Variants in SH3GL3 observed in about 807,000 individuals in gnomAD.
SH3GL3 encodes SH3 domain containing GRB2 like 3, endophilin A3.
Under a neutral mutation model 47.7 loss-of-function variants are expected in SH3GL3, and 33 were observed. The ratio of observed to expected loss-of-function variants is 0.69; its 90% confidence interval spans 0.52 to 0.92. The LOEUF (loss-of-function observed/expected upper bound fraction) is 0.92. Among genes scored for constraint, SH3GL3 ranks in the 40% least tolerant of loss-of-function variants. The pLI, the probability that SH3GL3 is intolerant of heterozygous loss-of-function variation, is 0.00. For synonymous variants in SH3GL3, 155 were observed against 148.8 expected, an observed-to-expected ratio of 1.04 and a Z score of -0.30; for missense variants, 363 against 417.8, an observed-to-expected ratio of 0.87 and a Z score of 1.14.
chr15:83,464,878 G>A (rs1255502032), intron 1 of SH3GL3, among the ~76,000 whole-genome samples: 2 of 151,770 alleles, frequency 1.3e-5, no homozygotes, highest in East Asian at 1.9e-4. Context: ...AATGTATCTC[G>A]GGCCAGTGCA....
At chr15:83,625,380 A>G in the SH3GL3 span, among the ~76,000 whole-genome samples, 55,638 of 151,974 alleles carry the variant, frequency 0.37, 10,815 homozygotes, top group South Asian at 0.48. Context: ...ACCTTTTTAT[A>G]GTGTCTGTCC....
intron 1 of SH3GL3, among the ~76,000 whole-genome samples, chr15:83,515,137 T>C (rs2042928124): frequency 6.6e-6 from 1 of 152,150 alleles, no homozygotes; most frequent in Non-Finnish European, 1.5e-5. Context: ...TAAGTCTGTA[T>C]TGTTTTGCTA....
intron 1 of SH3GL3, among the ~76,000 whole-genome samples, chr15:83,507,182 A>AT (rs1387957439): frequency 4.7e-5 from 7 of 150,520 alleles, no homozygotes; most frequent in Non-Finnish European, 8.9e-5. Flanking sequence ...ATTTTTTTGT[A>AT]TTTTTTTAGT....
intron 4 of SH3GL3, among the ~76,000 whole-genome samples, chr15:83,568,958 G>A (rs990354814): frequency 4.7e-5 from 7 of 147,416 alleles, no homozygotes; most frequent in African/African-American, 1.3e-4. Context: ...GTGCAGTGGC[G>A]CGATCTTGGC....
the SH3GL3 span, among the ~76,000 whole-genome samples, chr15:83,629,410 T>C: frequency 1.3e-5 from 2 of 152,258 alleles, no homozygotes; most frequent in African/African-American, 4.8e-5. Context: ...AAAAGCATGG[T>C]CAATTTATTT....
At chr15:83,527,314 T>C (rs1037904854) in intron 1 of SH3GL3, among the ~76,000 whole-genome samples, 2 of 152,202 alleles carry the variant, frequency 1.3e-5, no homozygotes, top group Admixed American at 6.5e-5. Flanking sequence ...GATAGTGGGA[T>C]AAAGTCTTCC....
the SH3GL3 span, among the ~76,000 whole-genome samples, chr15:83,624,854 C>A: frequency 1.3e-5 from 2 of 152,116 alleles, no homozygotes; most frequent in African/African-American, 2.4e-5. Flanking sequence ...GACCAAGGAA[C>A]CCTGGGAACC....
intron 1 of SH3GL3, among the ~76,000 whole-genome samples, chr15:83,515,886 C>T (rs1405368853): frequency 6.6e-6 from 1 of 152,140 alleles, no homozygotes; most frequent in African/African-American, 2.4e-5. Flanking sequence ...TTTGTTTCTG[C>T]TGGACTTGTT....
At chr15:83,512,334 TAAC>T (rs1162674374) in intron 1 of SH3GL3, among the ~76,000 whole-genome samples, 1 of 152,162 alleles carries the variant, frequency 6.6e-6, no homozygotes, top group Non-Finnish European at 1.5e-5. Context: ...TCATTTGCCT[TAAC>T]AACTCCACGT....
chr15:83,495,014 A>G (rs965107736), intron 1 of SH3GL3, among the ~76,000 whole-genome samples: 1 of 152,110 alleles, frequency 6.6e-6, no homozygotes, highest in African/African-American at 2.4e-5. Flanking sequence ...TGCTGGGCAC[A>G]GGAAGGACAG....
At chr15:83,473,880 G>T (rs143621620) in intron 1 of SH3GL3, among the ~76,000 whole-genome samples, 1,668 of 149,148 alleles carry the variant, frequency 0.011, 15 homozygotes, top group Non-Finnish European at 0.015. Context: ...ATGTCCATGC[G>T]CATTTCCGTG....
chr15:83,572,078 C>T lies in SH3GL3; in HGVS notation c.332-487C>T, dbSNP rs555783825. On this transcript the variant is annotated intron_variant, in intron 4 of 8. Transcript: ENST00000427482. ...CAGAGAGGGCAGGGAGGCTTAGAAC[C>T]TTCTAGAAGGATACGGGGAGTAGCC... Among the ~76,000 whole-genome samples the T allele has an allele frequency of 4.6e-5, 7 of 152,316 alleles. No individual in the cohort carries two copies. In the South Asian group the frequency reaches 1.5e-3, roughly 32 times the overall value.
intron 1 of SH3GL3, among the ~76,000 whole-genome samples, chr15:83,488,957 G>A (rs1232104268): frequency 6.6e-6 from 1 of 152,224 alleles, no homozygotes; most frequent in Non-Finnish European, 1.5e-5. Context: ...AGACCATGTT[G>A]GCTTTTGGAC....
chr15:83,462,296 C>A (rs2040339817), intron 1 of SH3GL3, among the ~76,000 whole-genome samples: 1 of 152,150 alleles, frequency 6.6e-6, no homozygotes, highest in Non-Finnish European at 1.5e-5. Context: ...GATTCTTACC[C>A]CTTGTAATGC....
At chr15:83,599,571 C>T (rs768023532) in intron 8 of SH3GL3, among the ~76,000 whole-genome samples, 2 of 152,160 alleles carry the variant, frequency 1.3e-5, no homozygotes, top group Non-Finnish European at 2.9e-5. Flanking sequence ...CATATATATA[C>T]CACAGTTTTT....
At chr15:83,627,558 A>C in the SH3GL3 span, among the ~76,000 whole-genome samples, 4 of 152,156 alleles carry the variant, frequency 2.6e-5, no homozygotes, top group African/African-American at 7.2e-5. Flanking sequence ...GGTTTCGATG[A>C]GTGGTTCTCA....
chr15:83,542,033 A>C (rs996514229), intron 1 of SH3GL3, among the ~76,000 whole-genome samples: 9 of 152,220 alleles, frequency 5.9e-5, no homozygotes, highest in Non-Finnish European at 1.2e-4. Context: ...TTACTCAAGA[A>C]ATCTTTGCCA....
At chr15:83,465,917 A>G (rs1230155872) in intron 1 of SH3GL3, among the ~76,000 whole-genome samples, 1 of 152,180 alleles carries the variant, frequency 6.6e-6, no homozygotes, top group Non-Finnish European at 1.5e-5. Flanking sequence ...TAACACTATG[A>G]AAAACTATTG....
intron 1 of SH3GL3, among the ~76,000 whole-genome samples, chr15:83,502,262 A>G (rs367898129): frequency 2.6e-5 from 4 of 152,224 alleles, no homozygotes; most frequent in African/African-American, 9.6e-5. Flanking sequence ...CCCAGAGCCT[A>G]AGGGTTTGCC....
Sources: allele counts gnomAD v4.1 joint callset (sites outside exome capture counted in the v4.1 genomes callset), GRCh38; gene constraint gnomAD v4.1.1; transcripts MANE v1.5; gene names NCBI Gene and HGNC (gene_info 2026-07-23, HGNC 2026-07-21).